Variants in DSCAM observed in about 807,000 individuals in gnomAD.
The protein encoded by DSCAM is DS cell adhesion molecule, also known as cell adhesion molecule DSCAM.
A neutral mutation model predicts 217.7 loss-of-function variants in DSCAM; 47 were observed. The observed-to-expected ratio is 0.22, with a 90% CI of 0.17 to 0.28. The LOEUF is 0.28. Ranked by LOEUF, DSCAM falls within the 10% of genes least tolerant of loss-of-function variation. The pLI is 1.00. For synonymous variants in DSCAM, 1,056 were observed against 1,015.3 expected (o/e 1.04, Z -0.76); for missense variants, 2,080 against 2,618.3 (o/e 0.79, Z 4.49).
chr21:40,399,271 CAAAACAA>C (rs973204548), intron 3 of DSCAM, among the ~76,000 whole-genome samples: 63 of 100,258 alleles, frequency 6.3e-4, no homozygotes, highest in African/African-American at 3.6e-3. Context: ...CCCTGTCTCA[CAAAACAA>C]AACAAAACAA....
At chr21:40,782,975 G>A (rs2123435042) in intron 1 of DSCAM, among the ~76,000 whole-genome samples, 2 of 152,320 alleles carry the variant, frequency 1.3e-5, no homozygotes, top group Middle Eastern at 6.8e-3. Flanking sequence ...ATGAAACATA[G>A]GAGGGAAATT....
chr21:40,206,461 T>C (rs1429301457), intron 11 of DSCAM, among the ~76,000 whole-genome samples: 1 of 152,054 alleles, frequency 6.6e-6, no homozygotes, highest in African/African-American at 2.4e-5. Context: ...ATTCTACATG[T>C]TCCTGAGGTA....
intron 3 of DSCAM, among the ~76,000 whole-genome samples, chr21:40,407,548 G>A (rs2075289346): frequency 6.6e-6 from 1 of 152,214 alleles, no homozygotes; most frequent in Non-Finnish European, 1.5e-5. Flanking sequence ...GAACCCAGCA[G>A]ACATAAGAAG....
intron 1 of DSCAM, among the ~76,000 whole-genome samples, chr21:40,751,794 T>TA (rs966504633): frequency 2.6e-5 from 4 of 151,942 alleles, no homozygotes; most frequent in African/African-American, 7.3e-5. Flanking sequence ...ATATTTTGTG[T>TA]AAAAAAAATT....
At chr21:40,372,992 T>C (rs1450584715) in intron 3 of DSCAM, among the ~76,000 whole-genome samples, 1 of 150,048 alleles carries the variant, frequency 6.7e-6, no homozygotes, top group African/African-American at 2.5e-5. Context: ...AATGGGGCAT[T>C]AGCCCAGTAG....
intron 9 of DSCAM, among the ~76,000 whole-genome samples, chr21:40,299,034 G>A (rs944148474): frequency 1.3e-5 from 2 of 152,096 alleles, no homozygotes; most frequent in Non-Finnish European, 2.9e-5. Context: ...AGTAGCCAGG[G>A]GATTTCCCAC....
intron 8 of DSCAM, among the ~76,000 whole-genome samples, chr21:40,317,739 G>T (rs986982828): frequency 1.3e-5 from 2 of 151,964 alleles, no homozygotes; most frequent in Non-Finnish European, 2.9e-5. Flanking sequence ...CACCATGTTG[G>T]CCAGGCTGGT....
intron 20 of DSCAM, among the ~76,000 whole-genome samples, chr21:40,096,354 A>G (rs1027214686): frequency 3.3e-5 from 5 of 152,078 alleles, no homozygotes; most frequent in African/African-American, 1.2e-4. Context: ...TGCTCGGACC[A>G]CCTTGAGCAC....
intron 8 of DSCAM, among the ~76,000 whole-genome samples, chr21:40,323,859 T>C (rs1487616666): frequency 6.6e-6 from 1 of 151,680 alleles, no homozygotes; most frequent in Admixed American, 6.6e-5. Flanking sequence ...ATCCCAGCAC[T>C]TTGGGAGGCT....
chr21:40,278,836 T>C (rs996139903), intron 10 of DSCAM, among the ~76,000 whole-genome samples: 3 of 152,128 alleles, frequency 2.0e-5, no homozygotes, highest in African/African-American at 7.2e-5. Context: ...ATGTTGGTGA[T>C]CATTATGAGG....
At chr21:40,221,453 AAT>A (rs1190057817) in intron 11 of DSCAM, among the ~76,000 whole-genome samples, 9 of 148,648 alleles carry the variant, frequency 6.1e-5, no homozygotes, top group African/African-American at 2.2e-4. Flanking sequence ...AATAACATAA[AAT>A]ATATATGATA....
At chr21:40,622,514 T>C (rs1333360527) in intron 3 of DSCAM, among the ~76,000 whole-genome samples, 1 of 152,224 alleles carries the variant, frequency 6.6e-6, no homozygotes, top group African/African-American at 2.4e-5. Context: ...CATTTCACTA[T>C]TACTGACAAA....
At chr21:40,170,155 G>C (rs2090640485) in intron 15 of DSCAM, among the ~76,000 whole-genome samples, 1 of 152,182 alleles carries the variant, frequency 6.6e-6, no homozygotes, top group African/African-American at 2.4e-5. Context: ...CCTGGGTAGA[G>C]CCGAGCCTTT....
chr21:40,588,637 T>C (rs1422045159), intron 3 of DSCAM, among the ~76,000 whole-genome samples: 3 of 152,320 alleles, frequency 2.0e-5, no homozygotes, highest in Admixed American at 2.0e-4. Context: ...TAATAAATAA[T>C]GATAATCTAA....
intron 3 of DSCAM, among the ~76,000 whole-genome samples, chr21:40,675,585 T>G (rs2090329132): frequency 6.6e-6 from 1 of 152,228 alleles, no homozygotes; most frequent in Admixed American, 6.5e-5. Flanking sequence ...AAGTCCAATT[T>G]AAATCACAAG....
intron 3 of DSCAM, among the ~76,000 whole-genome samples, chr21:40,397,007 A>G (rs1012884509): frequency 1.4e-4 from 21 of 152,058 alleles, no homozygotes; most frequent in Non-Finnish European, 1.2e-4. Flanking sequence ...CCTGCTTCCT[A>G]TTGACAAACT....
intron 9 of DSCAM, among the ~76,000 whole-genome samples, chr21:40,303,496 G>A (rs942912330): frequency 7.9e-5 from 12 of 151,984 alleles, no homozygotes; most frequent in East Asian, 1.9e-4. Context: ...CTCAATCCAC[G>A]TACAACATGT....
intron 8 of DSCAM, among the ~76,000 whole-genome samples, chr21:40,333,371 C>T (rs1022642042): frequency 2.3e-4 from 35 of 152,126 alleles, no homozygotes; most frequent in African/African-American, 6.7e-4. Flanking sequence ...ACTGATCGAT[C>T]GATTGATTGA....
intron 3 of DSCAM, among the ~76,000 whole-genome samples, chr21:40,650,893 G>A (rs536776182): frequency 2.6e-5 from 4 of 152,292 alleles, no homozygotes; most frequent in South Asian, 2.1e-4. Context: ...AAGCCTGGGC[G>A]ACAGAGCAAG....
Sources: gnomAD v4.1 joint callset for allele counts (sites outside exome capture counted in the v4.1 genomes callset) on GRCh38, gnomAD v4.1.1 for gene constraint, MANE v1.5 for transcripts, NCBI Gene and HGNC (gene_info 2026-07-23, HGNC 2026-07-21) for gene names.